Variants in POM121C observed in about 807,000 individuals in gnomAD.
POM121C encodes nuclear envelope pore membrane protein POM 121C.
In POM121C, 20 loss-of-function variants were observed where a neutral mutation model predicts 66.4. The ratio of observed to expected loss-of-function variants is 0.30; its 90% confidence interval spans 0.21 to 0.44. The LOEUF (loss-of-function observed/expected upper bound fraction) is 0.44. Among genes scored for constraint, POM121C ranks in the 20% least tolerant of loss-of-function variants. The probability of loss-of-function intolerance (pLI) is 1.00; values close to 1 mark genes in which losing one functional copy is unlikely to be tolerated. For synonymous variants in POM121C, 286 were observed against 528.0 expected (o/e 0.54, Z 6.28); for missense variants, 580 against 1,225.7 (o/e 0.47, Z 7.87).
chr7:75,427,806 G>T (rs1478009113), intron 7 of POM121C, among the ~76,000 whole-genome samples: 1 of 152,176 alleles, frequency 6.6e-6, no homozygotes, highest in Non-Finnish European at 1.5e-5. Flanking sequence ...CAAACAGGAA[G>T]CCAAGCTTAA....
At chr7:75,463,298 C>T (rs1219975389) in intron 3 of POM121C, among the ~76,000 whole-genome samples, 5 of 151,980 alleles carry the variant, frequency 3.3e-5, no homozygotes, top group Non-Finnish European at 5.9e-5. Context: ...GAGCCAAGAT[C>T]GTGCCATTGT....
Position 75,474,819 on chromosome 7 carries a change from A to G in POM121C, c.-267T>C, listed in dbSNP as rs1792015144. 7.7e-7 allele frequency: 1 copy of G among 1,303,554 alleles called. No individual in the cohort carries two copies. 80.7% of individuals were successfully genotyped at this position (1,303,554 alleles called of 1,614,324 possible). A position where few individuals can be genotyped will look rare whatever the true frequency, so the allele number is the denominator to read the frequency against. On this transcript the variant is annotated 5_prime_UTR_variant, in exon 3 of 15. Coordinates refer to ENST00000615331, the MANE Select transcript of POM121C (RefSeq NM_001099415.3). The stretch of plus-strand genomic sequence containing the variant: ...CATATCTTGTTAATGGGAAAAGAAG[A>G]AGGACTTGGGCAAGTTGCTCGGCTT...
intron 3 of POM121C, among the ~76,000 whole-genome samples, chr7:75,443,119 T>TC (rs1184407071): frequency 1.6e-4 from 24 of 152,174 alleles, no homozygotes; most frequent in African/African-American, 4.8e-4. Flanking sequence ...GGCTGAGTTT[T>TC]CCCCCCCACT....
chr7:75,418,883 G>A lies in POM121C; in HGVS notation c.2877C>T (p.Ala959=), dbSNP rs1190703309. 6.8e-6 allele frequency: 11 copies of A among 1,610,948 alleles called. No individual in the cohort carries two copies. The highest frequency in any genetic ancestry group is 2.2e-5 in the East Asian group (1 of 44,844). ...ATCCCGCACCAATGGAAAATGAAGG[G>A]GCCGCCGATCCTGGAAAGATTCAAC... The part of the protein sequence containing the change: ...FVGVGPFGSA[A]PSFSIGAGSK... Residue 959 remains alanine, a synonymous_variant, in exon 15 of 15, where the codon GCC becomes GCT. Coordinates refer to ENST00000615331, the MANE Select transcript of POM121C (RefSeq NM_001099415.3).
At chr7:75,424,503 G>T (rs782349497) in intron 11 of POM121C, 23 bp downstream of exon 11, 3 of 1,610,720 alleles carry the variant, frequency 1.9e-6, no homozygotes, top group Non-Finnish European at 2.5e-6. Context: ...CCTCTCGAGA[G>T]TGCAACGATC....
At chr7:75,455,238 TCTC>T (rs1554476183) in intron 3 of POM121C, among the ~76,000 whole-genome samples, 1 of 152,252 alleles carries the variant, frequency 6.6e-6, no homozygotes, top group East Asian at 1.9e-4. Flanking sequence ...GGTCTGTGGC[TCTC>T]AAGTTTTGCT....
rs1170965327 is a variant in POM121C, at chr7:75,479,615, C to CAAAATAAATAAATAAA, written c.-457-4428_-457-4427insTTTATTTATTTATTTT. ...TGGGGGACAGAGTGAGACTCTGTCT[C>CAAAATAAATAAATAAA]TAAATAAATAAATAAATAAATAAAT... is the stretch of plus-strand genomic sequence containing the variant. On this transcript the variant is annotated intron_variant, in intron 1 of 14. Transcript: ENST00000615331. Among the ~76,000 whole-genome samples, 3 of 134,522 alleles carry CAAAATAAATAAATAAA rather than the reference C, an allele frequency of 2.2e-5. 1 individual carries two copies. The highest frequency in any genetic ancestry group is 9.2e-5 in the African/African-American group (3 of 32,764). 88.3% of individuals were successfully genotyped at this position (134,522 alleles called of 152,430 possible).
rs1410090096 is a variant in POM121C at position 75,417,980 on chromosome 7, A to T, written c.*816T>A. 10 of 981,656 alleles carry T rather than the reference A, an allele frequency of 1.0e-5. No homozygotes were observed. In the African/African-American group the frequency reaches 1.8e-4, roughly 17 times the overall value. The allele number at this position is 981,656 out of a possible 1,614,324, so 60.8% of individuals were successfully genotyped here. On this transcript the variant is annotated 3_prime_UTR_variant, in exon 15 of 15. Coordinates refer to ENST00000615331, the MANE Select transcript of POM121C (RefSeq NM_001099415.3). ...CAAGGCTTGAAACATACAATCCTGG[A>T]GAGGCAGACGAGGGCCCAATGGGGC...
intron 7 of POM121C, among the ~76,000 whole-genome samples, chr7:75,426,797 C>CAAAA (rs543569250): frequency 8.2e-5 from 5 of 61,082 alleles, no homozygotes; most frequent in African/African-American, 2.3e-4. Context: ...GACCCTGTCT[C>CAAAA]AAAAAAAAAA....
At chr7:75,453,950 T>C (rs1554476019) in intron 3 of POM121C, among the ~76,000 whole-genome samples, 1 of 152,254 alleles carries the variant, frequency 6.6e-6, no homozygotes, top group African/African-American at 2.4e-5. Flanking sequence ...TTGGGCTTCA[T>C]CACAGTCCGG....
intron 3 of POM121C, among the ~76,000 whole-genome samples, chr7:75,462,605 C>T (rs1252643890): frequency 2.6e-5 from 4 of 152,120 alleles, no homozygotes; most frequent in African/African-American, 9.7e-5. Context: ...ACCTTATTCT[C>T]AAAGCATTTT....
intron 1 of POM121C, among the ~76,000 whole-genome samples, chr7:75,475,630 C>T (rs1167930588): frequency 2.0e-5 from 3 of 151,566 alleles, no homozygotes; most frequent in Non-Finnish European, 2.9e-5. Context: ...ACTCACTGCT[C>T]TGGGGCTCTC....
chr7:75,477,433 AC>A lies in POM121C; in HGVS notation c.-457-2246del, dbSNP rs587698196. Among the ~76,000 whole-genome samples the A allele has an allele frequency of 3.2e-3, 488 of 152,174 alleles. 5 individuals are homozygous for A. The highest frequency in any genetic ancestry group is 0.011 in the African/African-American group (466 of 41,420). ...CCCTATCTCTACTAAAAATCCAAAA[AC>A]AACAACAAAATTAGTTGTAGTATTA... On this transcript the variant is annotated intron_variant, in intron 1 of 14. Coordinates refer to ENST00000615331, the MANE Select transcript of POM121C (RefSeq NM_001099415.3).
At chr7:75,447,069 A>G (rs1554474779) in intron 3 of POM121C, among the ~76,000 whole-genome samples, 3 of 144,916 alleles carry the variant, frequency 2.1e-5, no homozygotes, top group Non-Finnish European at 4.5e-5. Flanking sequence ...AAAATCTCCA[A>G]TGTCTGGCAT....
At chr7:75,482,961 A>G (rs1792365225) in intron 1 of POM121C, among the ~76,000 whole-genome samples, 1 of 152,218 alleles carries the variant, frequency 6.6e-6, no homozygotes, top group African/African-American at 2.4e-5. Context: ...GGAGAAGTGA[A>G]ATGAGAAACA....
rs587762296 is a variant in POM121C at position 75,476,115 on chromosome 7, T to C, written c.-457-927A>G. 5.6e-3 allele frequency among the ~76,000 whole-genome samples: 845 copies of C among 152,210 alleles called. 7 individuals are homozygous for C. Among genetic ancestry groups the C allele is most frequent in the Non-Finnish European group, 6.5e-3 (443 of 68,006 alleles). ...GGCAACATAGTAAGAACCTTATCTC[T>C]GCTAAAAATAAAATTTTTTTAAAAA... On this transcript the variant is annotated intron_variant, in intron 1 of 14. Transcript: ENST00000615331.
chr7:75,441,469 T>A lies in POM121C; in HGVS notation c.28A>T (p.Ile10Phe). The change falls in exon 4 of 15, where the codon ATC becomes TTC. Residue 10 changes from isoleucine to phenylalanine, a missense_variant. Transcript: ENST00000615331. ...GAAAATCTTCTGTCAGGAGGGGCGA[T>A]CCTCACAGTCACTGGGCTACACACC... MVCSPVTVR[I>F]APPDRRFSRS... 11 of 1,613,916 alleles carry A rather than the reference T, an allele frequency of 6.8e-6. No individual in the cohort carries two copies. Among genetic ancestry groups the A allele is most frequent in the Non-Finnish European group, 8.5e-6 (10 of 1,179,842 alleles).
At chr7:75,442,867 T>G (rs1360345616) in intron 3 of POM121C, 8 of 1,102,318 alleles carry the variant, frequency 7.3e-6, no homozygotes, top group Non-Finnish European at 9.3e-6. Flanking sequence ...TTTTGGAAAA[T>G]GCTGCCTGCC....
In POM121C at chr7:75,474,899, C is replaced by T. The variant is rs1792017354; in HGVS notation, c.-330-17G>A. On this transcript the variant is annotated splice_polypyrimidine_tract_variant and intron_variant, in intron 2 of 14. Transcript: ENST00000615331. The stretch of plus-strand genomic sequence containing the variant: ...CCTCATAAGCTGCATAACAGAAATG[C>T]TCCATTTTTTACCTTATCAAAGTTA... 4 of 1,061,288 alleles carry T rather than the reference C, an allele frequency of 3.8e-6. No individual in the cohort carries two copies. Among genetic ancestry groups the T allele is most frequent in the Non-Finnish European group, 5.7e-6 (4 of 705,992 alleles). The allele number at this position is 1,061,288 out of a possible 1,614,324, so 65.7% of individuals were successfully genotyped here.
Sources: allele counts gnomAD v4.1 joint callset (sites outside exome capture counted in the v4.1 genomes callset), GRCh38; gene constraint gnomAD v4.1.1; transcripts MANE v1.5; gene names NCBI Gene and HGNC (gene_info 2026-07-23, HGNC 2026-07-21).